FYB2: variants seen among roughly 807,000 people sequenced by gnomAD.
FYB2 encodes the protein FYN-binding protein 2.
In FYB2, 103 loss-of-function variants were observed where a neutral mutation model predicts 94.1. The observed-to-expected ratio is 1.09, with a 90% CI of 0.93 to 1.29. FYB2 has a LOEUF of 1.29. FYB2 is among the 50% of genes most tolerant of loss of function. The probability of loss-of-function intolerance (pLI) is 0.00; values close to 1 mark genes in which losing one functional copy is unlikely to be tolerated. For synonymous variants in FYB2, 293 were observed against 287.9 expected, an observed-to-expected ratio of 1.02 and a Z score of -0.18; for missense variants, 896 against 841.5, an observed-to-expected ratio of 1.06 and a Z score of -0.80.
intron 4 of FYB2, among the ~76,000 whole-genome samples, chr1:56,782,110 A>G (rs866995208): frequency 6.6e-6 from 1 of 152,160 alleles, no homozygotes; most frequent in South Asian, 2.1e-4. Context: ...TCTTTATGTT[A>G]AGAACATTCA....
chr1:56,722,728 A>T (rs927055050), intron 17 of FYB2, among the ~76,000 whole-genome samples: 1 of 152,086 alleles, frequency 6.6e-6, no homozygotes. Context: ...GTGGCAAGAG[A>T]TAAAGCCAGG....
At chr1:56,738,754 C>G in intron 13 of FYB2, 101 bp from the exon 14 acceptor site, 4 of 1,236,012 alleles carry the variant, frequency 3.2e-6, no homozygotes, top group Non-Finnish European at 4.6e-6. Flanking sequence ...GCTGGATTGC[C>G]CTTCTTGCCC....
intron 7 of FYB2, among the ~76,000 whole-genome samples, chr1:56,755,532 G>T (rs946823198): frequency 3.0e-4 from 45 of 152,032 alleles, no homozygotes; most frequent in African/African-American, 1.1e-3. Flanking sequence ...TCAGTTCTTT[G>T]GAATTCATGT....
chr1:56,800,763 TGCCACCTGCTGTCC>T (rs1646501259), intron 1 of FYB2, among the ~76,000 whole-genome samples: 2 of 152,158 alleles, frequency 1.3e-5, no homozygotes, highest in African/African-American at 4.8e-5. Flanking sequence ...CAAGCACATA[TGCCACCTGCTGTCC>T]CTCAGCCATG....
At chr1:56,804,113 C>T (rs570556582) in intron 1 of FYB2, among the ~76,000 whole-genome samples, 35 of 152,316 alleles carry the variant, frequency 2.3e-4, no homozygotes, top group African/African-American at 7.9e-4. Flanking sequence ...TCTTACAGCA[C>T]TTCATCTGCA....
At chr1:56,722,904 G>A (rs1644513158) in intron 17 of FYB2, among the ~76,000 whole-genome samples, 1 of 152,026 alleles carries the variant, frequency 6.6e-6, no homozygotes, top group Non-Finnish European at 1.5e-5. Flanking sequence ...CACATGGAAG[G>A]TGCTCAGTAT....
chr1:56,792,661 T>G lies in FYB2; in HGVS notation c.152A>C (p.Asn51Thr). ...GTGGTTGGATGAGAGGGGTTTCCCA[T>G]TGGCCAAAATTTGAGTTGACTGTGT... The part of the protein sequence containing the change: ...GGTQSTQILA[N>T]GKPLSSNHKQ... Residue 51 changes from asparagine to threonine, a missense_variant, in exon 2 of 20, where the codon AAT (asparagine) becomes ACT (threonine). By Grantham distance (65) the Asn-to-Thr change is moderately conservative (BLOSUM62 0). Transcript: ENST00000343433. 1 of 1,614,070 alleles carries G rather than the reference T, an allele frequency of 6.2e-7. No individual in the cohort carries two copies.
intron 6 of FYB2, 104 bp from the exon 7 acceptor site, chr1:56,756,031 G>A (rs1003159135): frequency 1.8e-6 from 2 of 1,111,132 alleles, no homozygotes; most frequent in African/African-American, 3.1e-5. Flanking sequence ...TGAGGGGGAT[G>A]AAGCCTCAGT....
chr1:56,804,242 C>T (rs1489351556), intron 1 of FYB2, among the ~76,000 whole-genome samples: 1 of 152,190 alleles, frequency 6.6e-6, no homozygotes, highest in Non-Finnish European at 1.5e-5. Flanking sequence ...AATACATGCT[C>T]ACCTTTGTGG....
rs887805765 is a variant in FYB2 at position 56,719,881 on chromosome 1, C to G, written c.2165+141G>C. ...GTAATAAAGTCTCTTCCAACATAAT[C>G]CTTATAGAATAGGGCACTGCATGTC... is the stretch of plus-strand genomic sequence containing the variant. On this transcript the variant is annotated intron_variant, in intron 19 of 19. Coordinates refer to ENST00000343433, the MANE Select transcript of FYB2 (RefSeq NM_001004303.5). The G allele has an allele frequency of 6.0e-6, 6 of 1,001,912 alleles. No homozygotes were observed. The Admixed American group carries it at 1.5e-4, about 25-fold the overall frequency. The allele number at this position is 1,001,912 out of a possible 1,614,324, so 62.1% of individuals were successfully genotyped here.
intron 1 of FYB2, among the ~76,000 whole-genome samples, chr1:56,797,446 G>A (rs1474358136): frequency 1.3e-5 from 2 of 152,054 alleles, no homozygotes; most frequent in African/African-American, 4.8e-5. Context: ...GTATACACTG[G>A]CTCATCCAAC....
intron 4 of FYB2, among the ~76,000 whole-genome samples, chr1:56,786,140 C>T (rs1646128104): frequency 6.6e-6 from 1 of 152,150 alleles, no homozygotes. Context: ...TTAAGCTTCC[C>T]CTCAACATGT....
At chr1:56,785,731 C>T (rs755991233) in intron 4 of FYB2, among the ~76,000 whole-genome samples, 12 of 152,212 alleles carry the variant, frequency 7.9e-5, no homozygotes, top group Non-Finnish European at 1.6e-4. Flanking sequence ...CATGTTGCTT[C>T]ACACCTCCTG....
At chr1:56,825,352 A>G in the FYB2 span, among the ~76,000 whole-genome samples, 3 of 152,146 alleles carry the variant, frequency 2.0e-5, no homozygotes, top group Non-Finnish European at 4.4e-5. Context: ...GCTATAAACA[A>G]GCAACAGAAC....
chr1:56,784,263 A>G (rs1234100444), intron 4 of FYB2, among the ~76,000 whole-genome samples: 2 of 152,174 alleles, frequency 1.3e-5, no homozygotes, highest in Non-Finnish European at 2.9e-5. Context: ...TGCAGAAGCT[A>G]AAGCATTTTC....
intron 9 of FYB2, among the ~76,000 whole-genome samples, chr1:56,744,552 T>C (rs1011859356): frequency 2.0e-5 from 3 of 151,964 alleles, no homozygotes; most frequent in Non-Finnish European, 4.4e-5. Context: ...AGTAAACTAG[T>C]AACTCCCTTC....
In FYB2 at chr1:56,751,094, G is replaced by T; in HGVS notation, c.1337C>A (p.Thr446Lys). The T allele has an allele frequency of 6.2e-7, 1 of 1,612,864 alleles. No homozygotes were observed. Among genetic ancestry groups the T allele is most frequent in the Non-Finnish European group, 8.5e-7 (1 of 1,179,258 alleles). Residue 446 changes from threonine (T) to lysine (K), a missense_variant, in exon 9 of 20, where the codon ACA becomes AAA. Thr to Lys is a moderately conservative substitution (Grantham distance 78). Coordinates refer to ENST00000343433, the MANE Select transcript of FYB2 (RefSeq NM_001004303.5). ...CTTTGGGCCCTCAGGGCAGGGATTT[G>T]TCTGGATGATGTCAATCATGGCCTC... ...KQEAMIDIIQ[T>K]NPCPEGPKLA... is the part of the protein sequence containing the mutation.
chr1:56,809,319 T>C (rs945590042), intron 1 of FYB2, among the ~76,000 whole-genome samples: 5 of 152,176 alleles, frequency 3.3e-5, no homozygotes, highest in African/African-American at 1.2e-4. Flanking sequence ...AATACAAGTA[T>C]ATTATTAACA....
At chr1:56,727,177 A>G (rs1290138905) in intron 15 of FYB2, among the ~76,000 whole-genome samples, 1 of 152,130 alleles carries the variant, frequency 6.6e-6, no homozygotes, top group East Asian at 1.9e-4. Flanking sequence ...TAAGTATTGC[A>G]ACAATCCTTT....
Sources: allele counts gnomAD v4.1 joint callset (sites outside exome capture counted in the v4.1 genomes callset), GRCh38; gene constraint gnomAD v4.1.1; transcripts MANE v1.5; gene names NCBI Gene and HGNC (gene_info 2026-07-23, HGNC 2026-07-21).